Variants in FSTL5 observed in about 807,000 individuals in gnomAD.
FSTL5 encodes follistatin like 5.
In FSTL5, 62 loss-of-function variants were observed where a neutral mutation model predicts 89.1. The observed-to-expected ratio is 0.70, with a 90% CI of 0.57 to 0.86. The LOEUF is 0.86. FSTL5 is among the 40% of genes least tolerant of loss of function. The pLI, the probability that FSTL5 is intolerant of heterozygous loss-of-function variation, is 0.00. For missense variants in FSTL5, 1,057 were observed against 1,001.6 expected (o/e 1.06, Z -0.75); for synonymous variants, 383 against 346.2 (o/e 1.11, Z -1.18).
chr4:162,032,612 T>C (rs1300126131), intron 3 of FSTL5: 1 of 152,056 alleles, frequency 6.6e-6, no homozygotes, highest in East Asian at 1.9e-4. Flanking sequence ...ACATGGAAAA[T>C]AATATATTGT....
chr4:161,942,457 CTTACTGAAATAAAAAGGA>C (rs1193889093), intron 3 of FSTL5, among the ~76,000 whole-genome samples: 1 of 151,894 alleles, frequency 6.6e-6, no homozygotes, highest in Non-Finnish European at 1.5e-5. Flanking sequence ...TTAGTATAAT[CTTACTGAAATAAAAAGGA>C]TTACTGAAAT....
At chr4:161,393,955 T>C (rs750820525) in intron 15 of FSTL5, among the ~76,000 whole-genome samples, 5 of 152,102 alleles carry the variant, frequency 3.3e-5, no homozygotes, top group Admixed American at 6.6e-5. Flanking sequence ...GAGGGCAAGG[T>C]GCAGAGCAGT....
chr4:161,851,522 A>G (rs1731548889), intron 4 of FSTL5, among the ~76,000 whole-genome samples: 1 of 152,180 alleles, frequency 6.6e-6, no homozygotes, highest in Non-Finnish European at 1.5e-5. Flanking sequence ...GTATGTGTCT[A>G]TATACACTAA....
At chr4:161,861,808 A>G (rs1211520572) in intron 4 of FSTL5, among the ~76,000 whole-genome samples, 1 of 152,236 alleles carries the variant, frequency 6.6e-6, no homozygotes, top group East Asian at 1.9e-4. Flanking sequence ...TGGAAAGAAA[A>G]TATATAAATA....
chr4:162,068,678 A>T (rs1211132473), intron 2 of FSTL5, among the ~76,000 whole-genome samples: 3 of 152,198 alleles, frequency 2.0e-5, no homozygotes, highest in African/African-American at 7.2e-5. Flanking sequence ...AGCAACTGCA[A>T]CAAAAGCAAA....
chr4:161,422,875 C>G (rs577355131), intron 15 of FSTL5, among the ~76,000 whole-genome samples: 1 of 152,158 alleles, frequency 6.6e-6, no homozygotes, highest in Admixed American at 6.5e-5. Flanking sequence ...TAATACAACC[C>G]AATCACAGCT....
intron 3 of FSTL5, among the ~76,000 whole-genome samples, chr4:161,996,805 A>C (rs1736309050): frequency 6.6e-6 from 1 of 152,250 alleles, no homozygotes; most frequent in Admixed American, 6.5e-5. Context: ...ATATTTGGTT[A>C]CAAATAAGGA....
intron 10 of FSTL5, among the ~76,000 whole-genome samples, chr4:161,527,383 G>A (rs1179204662): frequency 4.9e-4 from 74 of 151,988 alleles, no homozygotes; most frequent in African/African-American, 3.1e-4. Context: ...GAAAATTTTC[G>A]CAACCTACTC....
At chr4:161,639,116 T>C (rs912309756) in intron 7 of FSTL5, among the ~76,000 whole-genome samples, 1 of 152,020 alleles carries the variant, frequency 6.6e-6, no homozygotes, top group Non-Finnish European at 1.5e-5. Context: ...TCTCACCACT[T>C]CTATTCAACA....
At chr4:161,654,387 G>T (rs887801919) in intron 7 of FSTL5, among the ~76,000 whole-genome samples, 2 of 152,042 alleles carry the variant, frequency 1.3e-5, no homozygotes, top group African/African-American at 4.8e-5. Context: ...AAAAGATAAA[G>T]TATAGAAATG....
intron 12 of FSTL5, among the ~76,000 whole-genome samples, chr4:161,482,375 C>T (rs1729542879): frequency 6.7e-6 from 1 of 150,338 alleles, no homozygotes; most frequent in African/African-American, 2.4e-5. Flanking sequence ...TAATGATAAA[C>T]AATTATTCCA....
rs72973169 is a variant in FSTL5 at position 161,427,119 on chromosome 4, C to T, written c.1841+27885G>A. ...TGTTTCATAATAGAAGGCAACTTTA[C>T]AGTTTCGTCCAGATGTTAATAAATT... On this transcript the variant is annotated intron_variant, in intron 15 of 15. Transcript: ENST00000306100. Among the ~76,000 whole-genome samples, 873 of 152,342 alleles carry T rather than the reference C, an allele frequency of 5.7e-3. 14 individuals carry two copies. The highest frequency in any genetic ancestry group is 0.054 in the East Asian group (278 of 5,176).
chr4:162,146,412 AC>A (rs539621751), intron 1 of FSTL5, among the ~76,000 whole-genome samples: 68 of 151,972 alleles, frequency 4.5e-4, no homozygotes, highest in Non-Finnish European at 7.1e-4. Flanking sequence ...AGCTAAAAGA[AC>A]CTTTTTATAA....
intron 15 of FSTL5, among the ~76,000 whole-genome samples, chr4:161,420,664 T>C (rs191177701): frequency 6.6e-6 from 1 of 151,716 alleles, no homozygotes; most frequent in Admixed American, 6.6e-5. Context: ...ATATGCAATA[T>C]TATTTATATG....
chr4:162,131,621 T>C (rs568640067), intron 1 of FSTL5, among the ~76,000 whole-genome samples: 1 of 152,284 alleles, frequency 6.6e-6, no homozygotes, highest in African/African-American at 2.4e-5. Context: ...CCCCATGCAA[T>C]TGGAGAGTAC....
chr4:161,748,606 GTTTTTTT>G (rs5863480), intron 6 of FSTL5, among the ~76,000 whole-genome samples: 7 of 103,544 alleles, frequency 6.8e-5, no homozygotes, highest in Non-Finnish European at 1.2e-4. Flanking sequence ...GGGGAAGCAC[GTTTTTTT>G]TTTTTTTTTT....
chr4:161,729,623 C>A (rs1423091740), intron 6 of FSTL5, among the ~76,000 whole-genome samples: 1 of 152,102 alleles, frequency 6.6e-6, no homozygotes, highest in African/African-American at 2.4e-5. Context: ...ATATTTTAAG[C>A]AAAAACGATA....
chr4:161,924,342 A>T (rs963788176), intron 3 of FSTL5, among the ~76,000 whole-genome samples: 3 of 151,004 alleles, frequency 2.0e-5, no homozygotes, highest in African/African-American at 7.3e-5. Flanking sequence ...CTCAATAATG[A>T]ATAAAATTAT....
At chr4:162,091,792 T>A (rs961922955) in intron 2 of FSTL5, among the ~76,000 whole-genome samples, 5 of 152,140 alleles carry the variant, frequency 3.3e-5, no homozygotes, top group African/African-American at 9.6e-5. Flanking sequence ...ATAAAAAAAA[T>A]TATAATCAAC....
Sources: allele counts gnomAD v4.1 joint callset (sites outside exome capture counted in the v4.1 genomes callset), GRCh38; gene constraint gnomAD v4.1.1; transcripts MANE v1.5; gene names NCBI Gene and HGNC (gene_info 2026-07-23, HGNC 2026-07-21).